The following ADAM12 variants were observed in gnomAD, a reference collection of about 807,000 sequenced individuals.
The protein encoded by ADAM12 is disintegrin and metalloproteinase domain-containing protein 12.
Under a neutral mutation model 106.4 loss-of-function variants are expected in ADAM12, and 70 were observed. That is an observed-to-expected ratio of 0.66 (90% confidence interval 0.54 to 0.80). The LOEUF is 0.80. ADAM12 is among the 30% of genes least tolerant of loss of function. The probability of loss-of-function intolerance (pLI) is 0.00; values close to 1 mark genes in which losing one functional copy is unlikely to be tolerated. For synonymous variants in ADAM12, 420 were observed against 433.5 expected (o/e 0.97, Z 0.39); for missense variants, 1,010 against 1,171.9 (o/e 0.86, Z 2.02).
At chr10:126,295,434 A>C (rs1293460317) in intron 2 of ADAM12, among the ~76,000 whole-genome samples, 1 of 152,188 alleles carries the variant, frequency 6.6e-6, no homozygotes, top group African/African-American at 2.4e-5. Flanking sequence ...CCTTTTGTCT[A>C]AGAATATATT....
intron 3 of ADAM12, among the ~76,000 whole-genome samples, chr10:126,256,550 A>C (rs1391803741): frequency 6.6e-6 from 1 of 152,158 alleles, no homozygotes. Context: ...GTGGGGATTC[A>C]GCCCTGGGGC....
At chr10:126,387,888 C>T (rs1856725329) in intron 1 of ADAM12, among the ~76,000 whole-genome samples, 170 bp downstream of exon 1, 1 of 68,166 alleles carries the variant, frequency 1.5e-5, no homozygotes, top group Non-Finnish European at 3.0e-5. Context: ...GAATTGGCAC[C>T]TGGGGGGGGG....
chr10:126,073,392 A>G (rs1486076597), intron 11 of ADAM12, among the ~76,000 whole-genome samples: 1 of 151,290 alleles, frequency 6.6e-6, no homozygotes, highest in Non-Finnish European at 1.5e-5. Context: ...CTGGCCCTTA[A>G]CTTTTTTTTT....
At chr10:126,201,952 C>G (rs1441468992) in intron 3 of ADAM12, among the ~76,000 whole-genome samples, 1 of 152,158 alleles carries the variant, frequency 6.6e-6, no homozygotes, top group Admixed American at 6.6e-5. Context: ...ACATAAAGAA[C>G]GTCCAGGGAA....
chr10:126,215,367 C>T (rs1337556038), intron 3 of ADAM12, among the ~76,000 whole-genome samples: 2 of 152,164 alleles, frequency 1.3e-5, no homozygotes, highest in Non-Finnish European at 2.9e-5. Context: ...CTCTGGCTGC[C>T]CTTCCATAAC....
chr10:126,163,151 C>T (rs577342857), intron 3 of ADAM12, among the ~76,000 whole-genome samples: 1 of 152,308 alleles, frequency 6.6e-6, no homozygotes, highest in South Asian at 2.1e-4. Flanking sequence ...TCCTGTAAAG[C>T]CTGCAGAACC....
At chr10:126,230,480 G>A (rs1958289807) in intron 3 of ADAM12, among the ~76,000 whole-genome samples, 1 of 152,196 alleles carries the variant, frequency 6.6e-6, no homozygotes. Flanking sequence ...TTTCTAAACT[G>A]CTCTACCAAA....
chr10:126,308,351 C>T (rs934934839), intron 2 of ADAM12, among the ~76,000 whole-genome samples: 2 of 152,164 alleles, frequency 1.3e-5, no homozygotes, highest in African/African-American at 2.4e-5. Flanking sequence ...TCTTGCTGGA[C>T]CTTGTCTCCC....
intron 11 of ADAM12, among the ~76,000 whole-genome samples, chr10:126,086,706 T>TATATATATATATAA (rs1421464288): frequency 1.5e-5 from 1 of 65,192 alleles, no homozygotes; most frequent in African/African-American, 5.9e-5. Flanking sequence ...TATATATATA[T>TATATATATATATAA]AAAATAAAAT....
intron 11 of ADAM12, among the ~76,000 whole-genome samples, chr10:126,079,746 T>C (rs1022464620): frequency 6.6e-6 from 1 of 152,232 alleles, no homozygotes; most frequent in Admixed American, 6.5e-5. Context: ...TTTTGCTCTC[T>C]TGTCCCATCT....
At chr10:126,361,092 T>C (rs1416028739) in intron 1 of ADAM12, among the ~76,000 whole-genome samples, 2 of 152,144 alleles carry the variant, frequency 1.3e-5, no homozygotes, top group Non-Finnish European at 2.9e-5. Flanking sequence ...GCCCCCATGA[T>C]TCAATTACCT....
chr10:126,192,209 T>A (rs1172435394), intron 3 of ADAM12, among the ~76,000 whole-genome samples: 1 of 152,234 alleles, frequency 6.6e-6, no homozygotes, highest in African/African-American at 2.4e-5. Flanking sequence ...TGACTGCTTT[T>A]TTCATTTTAA....
rs146601746 is a variant in ADAM12, at chr10:126,039,425, G to A, written c.2109C>T (p.Asn703=). Residue 703 remains asparagine (N), a synonymous_variant, in exon 19 of 23, where the codon AAC becomes AAT. Coordinates refer to ENST00000448723, the MANE Select transcript of ADAM12 (RefSeq NM_001288973.2). ...TDSGPIRQAD[N]QGLTIGILVT... ...CCAGAATTCCTATGGTTAAACCTTG[G>A]TTATCTGAAACAAAACACATGGGGC... 675 of 1,614,020 alleles carry A rather than the reference G, an allele frequency of 4.2e-4. 2 individuals are homozygous for A. The highest frequency in any genetic ancestry group is 5.3e-4 in the Non-Finnish European group (620 of 1,179,948).
chr10:126,368,017 A>G (rs1855971146), intron 1 of ADAM12, among the ~76,000 whole-genome samples: 1 of 152,062 alleles, frequency 6.6e-6, no homozygotes, highest in African/African-American at 2.4e-5. Flanking sequence ...AATCCTTAAA[A>G]TATTAGGTAA....
chr10:126,055,044 C>A (rs1954599292), intron 14 of ADAM12, among the ~76,000 whole-genome samples: 1 of 152,182 alleles, frequency 6.6e-6, no homozygotes, highest in African/African-American at 2.4e-5. Flanking sequence ...AACCAGATGC[C>A]TCAGGAAATG....
In ADAM12 at chr10:126,082,404, T is replaced by G. The variant is rs142020124; in HGVS notation, c.1146-10750A>C. Among the ~76,000 whole-genome samples, 34 of 139,930 alleles carry G rather than the reference T, an allele frequency of 2.4e-4. 1 individual carries two copies. In the East Asian group the frequency reaches 7.4e-3, roughly 31 times the overall value. 91.8% of individuals were successfully genotyped at this position (139,930 alleles called of 152,430 possible). A position where few individuals can be genotyped will look rare whatever the true frequency, so the allele number is the denominator to read the frequency against. ...TTTTTTTTTATGTGGAGTTTCGCTC[T>G]GTAGCCCAGGTTGGAGTTCAGTGGT... On this transcript the variant is annotated intron_variant, in intron 11 of 22. Transcript: ENST00000448723.
At chr10:126,339,847 C>CTTTTTTTTTTTTTTT (rs146232567) in intron 1 of ADAM12, among the ~76,000 whole-genome samples, 1 of 75,710 alleles carries the variant, frequency 1.3e-5, no homozygotes, top group Non-Finnish European at 2.3e-5. Flanking sequence ...CATTCTAGGG[C>CTTTTTTTTTTTTTTT]TTTTTTTTTT....
chr10:126,379,602 G>A (rs1439125828), intron 1 of ADAM12, among the ~76,000 whole-genome samples: 1 of 152,054 alleles, frequency 6.6e-6, no homozygotes, highest in Non-Finnish European at 1.5e-5. Flanking sequence ...TAGATGACGG[G>A]TTGATGGGTG....
chr10:126,094,548 G>A (rs1955522217), intron 10 of ADAM12, among the ~76,000 whole-genome samples: 1 of 152,132 alleles, frequency 6.6e-6, no homozygotes, highest in African/African-American at 2.4e-5. Flanking sequence ...TTGAGATGAT[G>A]CTGATATAAA....
Sources: gnomAD v4.1 joint callset for allele counts (sites outside exome capture counted in the v4.1 genomes callset) on GRCh38, gnomAD v4.1.1 for gene constraint, MANE v1.5 for transcripts, NCBI Gene and HGNC (gene_info 2026-07-23, HGNC 2026-07-21) for gene names.